Variants in PLCZ1 observed in about 807,000 individuals in gnomAD.
PLCZ1 encodes the protein phospholipase C zeta 1, also known as 1-phosphatidylinositol 4,5-bisphosphate phosphodiesterase zeta-1.
A neutral mutation model predicts 76.8 loss-of-function variants in PLCZ1; 64 were observed. The observed-to-expected ratio is 0.83, with a 90% CI of 0.68 to 1.03. The LOEUF is 1.03. PLCZ1 is among the 50% of genes least tolerant of loss of function. The pLI is 0.00. For missense variants in PLCZ1, 751 were observed against 713.7 expected (o/e 1.05, Z -0.60); for synonymous variants, 248 against 230.8 (o/e 1.07, Z -0.68).
intron 7 of PLCZ1, 38 bp from the exon 8 acceptor site, chr12:18,701,814 C>A: frequency 6.4e-7 from 1 of 1,567,264 alleles, no homozygotes; most frequent in Non-Finnish European, 8.6e-7. Flanking sequence ...TACACATTTA[C>A]AAGTAAATTT....
chr12:18,729,370 T>G (rs868179921), intron 3 of PLCZ1, among the ~76,000 whole-genome samples: 1 of 152,082 alleles, frequency 6.6e-6, no homozygotes, highest in African/African-American at 2.4e-5. Context: ...TCTTCTCAGA[T>G]TCCCTGTATT....
intron 3 of PLCZ1, among the ~76,000 whole-genome samples, chr12:18,734,134 T>C (rs1167533835): frequency 6.6e-6 from 1 of 152,150 alleles, no homozygotes; most frequent in Non-Finnish European, 1.5e-5. Context: ...ATTTCATCAG[T>C]GGTTTACAGT....
intron 7 of PLCZ1, among the ~76,000 whole-genome samples, chr12:18,703,882 AC>A (rs1956254912): frequency 6.6e-6 from 1 of 152,214 alleles, no homozygotes; most frequent in South Asian, 2.1e-4. Context: ...TAAGGAAAAT[AC>A]AGAGGGCAAT....
At chr12:18,688,841 TAA>T (rs1489428447) in intron 12 of PLCZ1, among the ~76,000 whole-genome samples, 6 of 152,040 alleles carry the variant, frequency 3.9e-5, no homozygotes, top group Non-Finnish European at 7.4e-5. Flanking sequence ...TGACTTAGGC[TAA>T]GAGATAGAAG....
At chr12:18,706,571 T>G (rs1437131503) in intron 6 of PLCZ1, among the ~76,000 whole-genome samples, 1 of 152,190 alleles carries the variant, frequency 6.6e-6, no homozygotes, top group Non-Finnish European at 1.5e-5. Flanking sequence ...TTTTCTGCCC[T>G]TTCTCATTGC....
chr12:18,700,737 T>TA (rs1955783052), intron 9 of PLCZ1, among the ~76,000 whole-genome samples: 1 of 152,130 alleles, frequency 6.6e-6, no homozygotes, highest in Non-Finnish European at 1.5e-5. Context: ...ACTTTTCATC[T>TA]ATGTAGGCCA....
chr12:18,658,827 C>T, the PLCZ1 span, among the ~76,000 whole-genome samples: 11 of 152,036 alleles, frequency 7.2e-5, no homozygotes, highest in African/African-American at 2.4e-4. Flanking sequence ...ATCTAATTCA[C>T]CTTCAGAAAT....
chr12:18,687,403 T>C (rs897699884), intron 13 of PLCZ1, among the ~76,000 whole-genome samples: 1 of 152,128 alleles, frequency 6.6e-6, no homozygotes, highest in African/African-American at 2.4e-5. Flanking sequence ...CAAGAATCAG[T>C]TCCAATGTCT....
downstream of PLCZ1, among the ~76,000 whole-genome samples, chr12:18,681,235 T>A (rs1383374232): frequency 6.6e-6 from 1 of 151,996 alleles, no homozygotes; most frequent in Non-Finnish European, 1.5e-5. Context: ...CATTATCAGT[T>A]GTAAAGAAGC....
intron 14 of PLCZ1, 176 bp from the exon 15 acceptor site, chr12:18,683,500 A>G (rs1591958243): frequency 6.7e-7 from 1 of 1,492,548 alleles, no homozygotes; most frequent in East Asian, 2.5e-5. Context: ...TGCATTTTCT[A>G]TTCTGACTTC....
the PLCZ1 span, among the ~76,000 whole-genome samples, chr12:18,650,686 GTGTGTGTGTGTGTGTGTGTATATATC>G: frequency 5.8e-3 from 255 of 43,900 alleles, 2 homozygotes; most frequent in East Asian, 0.046. Context: ...GTGTGTGTGT[GTGTGTGTGTGTGTGTGTGTATATATC>G]TATATATATA....
At chr12:18,732,291 A>G (rs1380665461) in intron 3 of PLCZ1, among the ~76,000 whole-genome samples, 1 of 152,070 alleles carries the variant, frequency 6.6e-6, no homozygotes, top group African/African-American at 2.4e-5. Context: ...AGCTGGGCCC[A>G]CAGGCACACA....
chr12:18,683,113 G>A, downstream of PLCZ1: 1 of 820,544 alleles, frequency 1.2e-6, no homozygotes, highest in Non-Finnish European at 2.0e-6. Flanking sequence ...TAAGTGAATG[G>A]GCTCAATATT....
chr12:18,661,825 T>C, the PLCZ1 span, among the ~76,000 whole-genome samples: 1 of 152,006 alleles, frequency 6.6e-6, no homozygotes, highest in African/African-American at 2.4e-5. Context: ...TCTACCGTTG[T>C]AGAAATATTC....
chr12:18,720,122 T>C (rs1045477663), intron 4 of PLCZ1, among the ~76,000 whole-genome samples: 1 of 152,158 alleles, frequency 6.6e-6, no homozygotes, highest in African/African-American at 2.4e-5. Flanking sequence ...GTATTTTTTG[T>C]ACCTGGTTTC....
chr12:18,690,901 G>A (rs892114378), intron 12 of PLCZ1, among the ~76,000 whole-genome samples: 2 of 152,238 alleles, frequency 1.3e-5, no homozygotes, highest in East Asian at 1.9e-4. Flanking sequence ...AGTAGGGCAA[G>A]GCCTGACTAA....
chr12:18,700,538 A>AAAG (rs1370935394), intron 9 of PLCZ1, among the ~76,000 whole-genome samples: 56 of 135,942 alleles, frequency 4.1e-4, no homozygotes, highest in African/African-American at 7.5e-4. Flanking sequence ...AAAAAAAAAT[A>AAAG]GTTGCTCTGC....
At chr12:18,700,072 C>G in intron 9 of PLCZ1, 122 bp from the exon 10 acceptor site, 1 of 806,546 alleles carries the variant, frequency 1.2e-6, no homozygotes, top group Non-Finnish European at 2.0e-6. Flanking sequence ...ATTATCTCCT[C>G]AAACACCATT....
chr12:18,719,633 C>A lies in PLCZ1; in HGVS notation c.368-1G>T. ...AATGACATTTGGTGTGCTTTCCTAACTAAAAAAATAAAATAAAATAAGTTA... is the reference window on the plus strand; with the variant it reads ...AATGACATTTGGTGTGCTTTCCTAAATAAAAAAATAAAATAAAATAAGTTA... On this transcript the variant is annotated splice_acceptor_variant, in intron 4 of 14. Transcript: ENST00000266505. LOFTEE classifies it high-confidence loss of function. 6.3e-7 allele frequency: 1 copy of A among 1,578,132 alleles called. No individual in the cohort carries two copies. Among genetic ancestry groups the A allele is most frequent in the South Asian group, 1.2e-5 (1 of 85,608 alleles).
Sources: gnomAD v4.1 joint callset for allele counts (sites outside exome capture counted in the v4.1 genomes callset) on GRCh38, gnomAD v4.1.1 for gene constraint, MANE v1.5 for transcripts, NCBI Gene and HGNC (gene_info 2026-07-23, HGNC 2026-07-21) for gene names.